The following PRSS56 variants were observed in gnomAD, a reference collection of about 807,000 sequenced individuals.
PRSS56 encodes protease, serine 56.
A neutral mutation model predicts 66.8 loss-of-function variants in PRSS56; 55 were observed. The observed-to-expected ratio is 0.82, with a 90% CI of 0.66 to 1.03. PRSS56 has a LOEUF of 1.03. Ranked by LOEUF, PRSS56 falls within the 50% of genes least tolerant of loss-of-function variation. The probability of loss-of-function intolerance (pLI) is 0.00; values close to 1 mark genes in which losing one functional copy is unlikely to be tolerated. For synonymous variants in PRSS56, 409 were observed against 387.9 expected, an observed-to-expected ratio of 1.05 and a Z score of -0.64; for missense variants, 869 against 837.2, an observed-to-expected ratio of 1.04 and a Z score of -0.47.
At position 232,523,791 on chromosome 2, in the gene PRSS56, C is replaced by T; in HGVS notation, c.1032C>T (p.Pro344=). ...CAGCAGCCTCCTCCAGCCGCGAGCC[C>T]AGCTGCAGGGAGCTTCTGGCCTGGG... ...EQMSASSSRE[P]SCRELLAWDP... The change falls in exon 9 of 13, where the codon CCC becomes CCT. Residue 344 remains proline, a synonymous_variant. Transcript: ENST00000617714. The T allele has an allele frequency of 6.5e-7, 1 of 1,534,038 alleles. No individual in the cohort carries two copies. The highest frequency in any genetic ancestry group is 2.0e-5 in the Admixed American group (1 of 50,992).
rs1299294046 is a variant in PRSS56, at chr2:232,523,430, C to A, written c.864C>A (p.Gly288=). 4.8e-6 allele frequency: 7 copies of A among 1,451,578 alleles called. No homozygotes were observed. In the East Asian group the frequency reaches 1.3e-4, roughly 26 times the overall value. 89.9% of individuals were successfully genotyped at this position (1,451,578 alleles called of 1,614,324 possible). The change falls in exon 8 of 13, where the codon GGC becomes GGA. Residue 288 remains glycine, a synonymous_variant. Coordinates refer to ENST00000617714, the MANE Select transcript of PRSS56 (RefSeq NM_001195129.2). Reference sequence around the variant, plus strand: ...TGGCCCCGCAGGGTGACTCGGGAGGCCCCCTGACCTGTTCTGAGCCTGGCC... The same window carrying A: ...TGGCCCCGCAGGGTGACTCGGGAGGACCCCTGACCTGTTCTGAGCCTGGCC... ...GVDSCQGDSG[G]PLTCSEPGPR... is the part of the protein sequence containing the mutation.
In PRSS56 at chr2:232,520,533, G is replaced by A; in HGVS notation, c.-66G>A. Reference sequence around the variant, plus strand: ...GCAGAAGGCGGGCACCAAAGGATAGGCACCCGGAAGGTGGACTCCGAGGAG... The same window carrying A: ...GCAGAAGGCGGGCACCAAAGGATAGACACCCGGAAGGTGGACTCCGAGGAG... On this transcript the variant is annotated 5_prime_UTR_variant, in exon 1 of 13. Transcript: ENST00000617714. 1 of 1,336,888 alleles carries A rather than the reference G, an allele frequency of 7.5e-7. No individual in the cohort carries two copies. Among genetic ancestry groups the A allele is most frequent in the Non-Finnish European group, 1.0e-6 (1 of 965,268 alleles). 82.8% of individuals were successfully genotyped at this position (1,336,888 alleles called of 1,614,324 possible). A position where few individuals can be genotyped will look rare whatever the true frequency, so the allele number is the denominator to read the frequency against.
At chr2:232,520,902 G>C (rs2106199842) in intron 1 of PRSS56, among the ~76,000 whole-genome samples, 1 of 152,268 alleles carries the variant, frequency 6.6e-6, no homozygotes, top group South Asian at 2.1e-4. Context: ...GAGCTGTTGA[G>C]CATGCCGAAA....
At position 232,521,974 on chromosome 2, in the gene PRSS56, C is replaced by T. The variant is rs904662190; in HGVS notation, c.260C>T (p.Pro87Leu). Residue 87 changes from proline (P) to leucine (L), a missense_variant, in exon 4 of 13, where the codon CCG (proline) becomes CTG (leucine). Physicochemically the swap from Pro to Leu is moderately conservative, Grantham distance 98. This residue lies in a region of PRSS56 where 315 missense variants were observed against 313.7 expected (regional missense o/e 1.00). Coordinates refer to ENST00000617714, the MANE Select transcript of PRSS56 (RefSeq NM_001195129.2). ...ALLQDPPEPGPCGERRPSTAN... is the reference protein window; with the variant it reads ...ALLQDPPEPGLCGERRPSTAN... ...GACACCCCTTGCCCCTTTCTAGGGC[C>T]GTGCGGCGAGAGGCGTCCGAGCACT... The T allele has an allele frequency of 6.1e-6, 9 of 1,470,744 alleles. No homozygotes were observed. The African/African-American group carries it at 8.5e-5, about 14-fold the overall frequency. The allele number at this position is 1,470,744 out of a possible 1,614,324, so 91.1% of individuals were successfully genotyped here. A position where few individuals can be genotyped will look rare whatever the true frequency, so the allele number is the denominator to read the frequency against.
Position 232,522,809 on chromosome 2 carries a change from G to C in PRSS56, c.654G>C (p.Glu218Asp), listed in dbSNP as rs1426109547. Reference sequence around the variant, plus strand: ...TGTGCCTGCCCCAGGAGCCCCAGGAGCCCCCTGCCGGAACCGCCTGCGCCA... The same window carrying C: ...TGTGCCTGCCCCAGGAGCCCCAGGACCCCCCTGCCGGAACCGCCTGCGCCA... The part of the protein sequence containing the change: ...RPVCLPQEPQ[E>D]PPAGTACAIA... The change falls in exon 6 of 13, where the codon GAG becomes GAC. Residue 218 changes from glutamate (E) to aspartate (D), a missense_variant. Physicochemically the swap from Glu to Asp is conservative, Grantham distance 45 (BLOSUM62 2). Around this residue, in one of 3 missense-constraint regions of PRSS56, gnomAD observed 315 missense variants for 313.7 expected, o/e 1.00. Coordinates refer to ENST00000617714, the MANE Select transcript of PRSS56 (RefSeq NM_001195129.2). The C allele has an allele frequency of 6.7e-7, 1 of 1,498,050 alleles. No individual in the cohort carries two copies. The highest frequency in any genetic ancestry group is 2.1e-5 in the Admixed American group (1 of 47,524). The allele number at this position is 1,498,050 out of a possible 1,614,324, so 92.8% of individuals were successfully genotyped here.
Position 232,524,346 on chromosome 2 carries a change from C to A in PRSS56, c.1391C>A (p.Pro464Gln). The A allele has an allele frequency of 1.3e-6, 2 of 1,535,564 alleles. No homozygotes were observed. The highest frequency in any genetic ancestry group is 1.2e-5 in the South Asian group (1 of 84,006). The part of the protein sequence containing the change: ...AAGTRFPKRR[P>Q]EPRGEANGCP... ...GGCACTCGGTTCCCGAAGCGGAGGC[C>A]GGAGCCGCGCGGAGAAGCCAACGGT... Residue 464 changes from proline (P) to glutamine (Q), a missense_variant, in exon 11 of 13, where the codon CCG becomes CAG. Physicochemically the swap from Pro to Gln is moderately conservative, Grantham distance 76. Transcript: ENST00000617714.
At chr2:232,525,070 TG>T in intron 12 of PRSS56, 145 bp from the exon 13 acceptor site, 1 of 726,932 alleles carries the variant, frequency 1.4e-6, no homozygotes, top group South Asian at 2.2e-5. Flanking sequence ...GAGGGGTGGG[TG>T]GGAGTGTCCA....
chr2:232,524,945 G>A (rs1559290992), intron 12 of PRSS56, 101 bp downstream of exon 12: 10 of 1,000,882 alleles, frequency 1.0e-5, no homozygotes, highest in Admixed American at 2.2e-5. Flanking sequence ...CCTCCCAGCA[G>A]CCTGGGGTCG....
rs116397446 is a variant in PRSS56 at position 232,523,612 on chromosome 2, T to C, written c.1012+34T>C. ...CCTCTTTCCAATGCCCCGTCCCCAG[T>C]GCCCCAACGGACAACCGTGGGACAA... On this transcript the variant is annotated intron_variant, in intron 8 of 12. Coordinates refer to ENST00000617714, the MANE Select transcript of PRSS56 (RefSeq NM_001195129.2). 1.2e-3 allele frequency: 1,790 copies of C among 1,505,890 alleles called. 16 individuals are homozygous for C. In the African/African-American group the frequency reaches 0.018, roughly 15 times the overall value. 93.3% of individuals were successfully genotyped at this position (1,505,890 alleles called of 1,614,324 possible).
Position 232,523,839 on chromosome 2 carries a change from A to C in PRSS56, c.1080A>C (p.Ala360=). Residue 360 remains alanine (A), a synonymous_variant, in exon 9 of 13, where the codon GCA becomes GCC. Transcript: ENST00000617714. ...LAWDPPQELQ[A]DAARLCAFYA... is the part of the protein sequence containing the mutation. ...GGGACCCCCCCCAGGAGCTGCAGGC[A>C]GACGCCGCCCGGCTCTGCGCCTTCT... 33 of 1,533,280 alleles carry C rather than the reference A, an allele frequency of 2.2e-5. No individual in the cohort carries two copies. The highest frequency in any genetic ancestry group is 2.8e-5 in the Non-Finnish European group (32 of 1,146,238). The allele number at this position is 1,533,280 out of a possible 1,614,324, so 95.0% of individuals were successfully genotyped here. A position where few individuals can be genotyped will look rare whatever the true frequency, so the allele number is the denominator to read the frequency against.
intron 2 of PRSS56, among the ~76,000 whole-genome samples, 163 bp from the exon 3 acceptor site, chr2:232,521,653 C>T (rs1691279849): frequency 1.3e-5 from 2 of 152,214 alleles, no homozygotes; most frequent in Non-Finnish European, 2.9e-5. Flanking sequence ...ACACTCTGGG[C>T]TCCTGTGGTG....
intron 2 of PRSS56, 42 bp downstream of exon 2, chr2:232,521,470 A>C (rs1574621842): frequency 1.4e-6 from 2 of 1,437,406 alleles, no homozygotes; most frequent in South Asian, 2.4e-5. Context: ...CTTGCTGCCT[A>C]CCCTGGGCCC....
Position 232,521,279 on chromosome 2 carries a change from C to G in PRSS56, c.98-42C>G, listed in dbSNP as rs115367581. 3.3e-3 allele frequency: 4,780 copies of G among 1,462,756 alleles called. 137 individuals carry two copies. The African/African-American group carries it at 0.059, about 18-fold the overall frequency. 90.6% of individuals were successfully genotyped at this position (1,462,756 alleles called of 1,614,324 possible). ...GGGCCAGGAGGATGAGGCTGAGGCT[C>G]TTCCCCAACCACGCATGATTGTGTG... On this transcript the variant is annotated intron_variant, in intron 1 of 12. Transcript: ENST00000617714.
chr2:232,520,581 C>T lies in PRSS56; in HGVS notation c.-18C>T. ...GAGGAGAGAGGACAGGGGTCTCTCA[C>T]CCCAGCTCCTGGTCACCATGCTGCT... On this transcript the variant is annotated 5_prime_UTR_variant, in exon 1 of 13. Transcript: ENST00000617714. 5 of 1,533,600 alleles carry T rather than the reference C, an allele frequency of 3.3e-6. No individual in the cohort carries two copies. The highest frequency in any genetic ancestry group is 4.4e-6 in the Non-Finnish European group (5 of 1,144,600). The allele number at this position is 1,533,600 out of a possible 1,614,324, so 95.0% of individuals were successfully genotyped here. A position where few individuals can be genotyped will look rare whatever the true frequency, so the allele number is the denominator to read the frequency against.
Position 232,524,094 on chromosome 2 carries a change from G to A in PRSS56, c.1242G>A (p.Leu414=), listed in dbSNP as rs1310067227. Reference sequence around the variant, plus strand: ...GCCTGCTGCGGAACGCGCAGGAGCTGCTCGGGCCTCGTCCGGGACTGCGGC... The same window carrying A: ...GCCTGCTGCGGAACGCGCAGGAGCTACTCGGGCCTCGTCCGGGACTGCGGC... The part of the protein sequence containing the change: ...LLGLLRNAQE[L]LGPRPGLRRL... Residue 414 remains leucine (L), a synonymous_variant, in exon 10 of 13, where the codon CTG becomes CTA. Transcript: ENST00000617714. 6.6e-7 allele frequency: 1 copy of A among 1,522,604 alleles called. No individual in the cohort carries two copies. 94.3% of individuals were successfully genotyped at this position (1,522,604 alleles called of 1,614,324 possible).
In PRSS56 at chr2:232,523,460, C is replaced by A. The variant is rs961757140; in HGVS notation, c.894C>A (p.Arg298=). 7 of 1,514,654 alleles carry A rather than the reference C, an allele frequency of 4.6e-6. No individual in the cohort carries two copies. The highest frequency in any genetic ancestry group is 8.8e-7 in the Non-Finnish European group (1 of 1,136,548). The allele number at this position is 1,514,654 out of a possible 1,614,324, so 93.8% of individuals were successfully genotyped here. The change falls in exon 8 of 13, where the codon CGC becomes CGA. Residue 298 remains arginine (R), a synonymous_variant. Coordinates refer to ENST00000617714, the MANE Select transcript of PRSS56 (RefSeq NM_001195129.2). ...GPLTCSEPGP[R]PREVLFGVTS... is the part of the protein sequence containing the mutation. ...TGACCTGTTCTGAGCCTGGCCCCCG[C>A]CCTAGAGAGGTCCTGTTCGGAGTCA...
intron 11 of PRSS56, 93 bp downstream of exon 11, chr2:232,524,462 A>T: frequency 8.0e-7 from 1 of 1,248,090 alleles, no homozygotes; most frequent in South Asian, 1.4e-5. Context: ...GAAAGGGCTT[A>T]CCCCATGGGG....
At position 232,522,708 on chromosome 2, in the gene PRSS56, C is replaced by G. The variant is rs1234397498; in HGVS notation, c.553C>G (p.Pro185Ala). 1 of 1,534,282 alleles carries G rather than the reference C, an allele frequency of 6.5e-7. No homozygotes were observed. The highest frequency in any genetic ancestry group is 8.7e-7 in the Non-Finnish European group (1 of 1,145,990). Residue 185 changes from proline to alanine, a missense_variant, in exon 6 of 13, where the codon CCG becomes GCG. Pro to Ala is a conservative substitution (Grantham distance 27, BLOSUM62 -1). Transcript: ENST00000617714. ...GCCGCCTCCCCCTCCTCAGTTTGAC[C>G]CGCGGACCTTCCACAACGACCTGGC... Reference protein sequence around the residue: ...NRILPHPKFDPRTFHNDLALV... With the variant: ...NRILPHPKFDARTFHNDLALV...
chr2:232,522,140 G>A lies in PRSS56; in HGVS notation c.426G>A (p.Thr142=), dbSNP rs1005242029. The A allele has an allele frequency of 2.0e-6, 3 of 1,516,020 alleles. No individual in the cohort carries two copies. The highest frequency in any genetic ancestry group is 2.0e-5 in the Admixed American group (1 of 49,140). The allele number at this position is 1,516,020 out of a possible 1,614,324, so 93.9% of individuals were successfully genotyped here. A position where few individuals can be genotyped will look rare whatever the true frequency, so the allele number is the denominator to read the frequency against. The change falls in exon 4 of 13, where the codon ACG becomes ACA. Residue 142 remains threonine (T), a synonymous_variant. Transcript: ENST00000617714. ...GVLVAASWVL[T]AAHCFVGAPN... is the part of the protein sequence containing the mutation. ...TGGTAGCGGCCTCCTGGGTGCTCAC[G>A]GCAGCGCACTGCTTTGTAGGGTAAG...
Sources: allele counts gnomAD v4.1 joint callset (sites outside exome capture counted in the v4.1 genomes callset), GRCh38; gene constraint gnomAD v4.1.1; regional missense constraint gnomAD v4.1.1; transcripts MANE v1.5; gene names NCBI Gene and HGNC (gene_info 2026-07-23, HGNC 2026-07-21).